Variants in ANK3 observed in about 807,000 individuals in gnomAD.
ANK3 encodes the protein ankyrin-3.
A neutral mutation model predicts 370.9 loss-of-function variants in ANK3; 57 were observed. The ratio of observed to expected loss-of-function variants is 0.15; its 90% confidence interval spans 0.12 to 0.19. ANK3 has a LOEUF of 0.19. Among genes scored for constraint, ANK3 ranks in the 10% least tolerant of loss-of-function variants. The probability of loss-of-function intolerance (pLI) is 1.00; values close to 1 mark genes in which losing one functional copy is unlikely to be tolerated. For missense variants in ANK3, 4,439 were observed against 5,302.1 expected, an observed-to-expected ratio of 0.84 and a Z score of 5.06; for synonymous variants, 1,929 against 1,946.3, an observed-to-expected ratio of 0.99 and a Z score of 0.23.
Position 60,186,864 on chromosome 10 carries a change from T to A in ANK3, c.1936A>T (p.Ile646Leu). The A allele has an allele frequency of 6.2e-7, 1 of 1,614,222 alleles. No homozygotes were observed. The highest frequency in any genetic ancestry group is 8.5e-7 in the Non-Finnish European group (1 of 1,180,030). The change falls in exon 17 of 44, where the codon ATA (isoleucine) becomes TTA (leucine). Residue 646 changes from isoleucine (I) to leucine (L), a missense_variant. This residue lies in a region of ANK3 where 192 missense variants were observed against 192.1 expected (regional missense o/e 1.00). Coordinates refer to ENST00000280772, the MANE Select transcript of ANK3 (RefSeq NM_020987.5). ...HIAAKKNQMD[I>L]ATTLLEYGAD... Reference sequence around the variant, plus strand: ...CCATATTCCAGCAGAGTTGTCGCTATGTCCATCTGGTTCTTTTTGGCAGCG... The same window carrying A: ...CCATATTCCAGCAGAGTTGTCGCTAAGTCCATCTGGTTCTTTTTGGCAGCG...
At chr10:60,345,734 A>G (rs532756706) in intron 1 of ANK3, among the ~76,000 whole-genome samples, 4 of 152,168 alleles carry the variant, frequency 2.6e-5, no homozygotes, top group Non-Finnish European at 5.9e-5. Flanking sequence ...CTTGGAGAAT[A>G]TATTCATTAA....
intron 1 of ANK3, among the ~76,000 whole-genome samples, chr10:60,724,187 G>A (rs1253350061): frequency 7.9e-6 from 1 of 126,146 alleles, no homozygotes; most frequent in Non-Finnish European, 1.6e-5. Flanking sequence ...TCCAGCCTGG[G>A]CGACAGAGCA....
chr10:60,381,582 A>C (rs1297024776), intron 1 of ANK3, among the ~76,000 whole-genome samples: 1 of 152,148 alleles, frequency 6.6e-6, no homozygotes, highest in Non-Finnish European at 1.5e-5. Context: ...AAGGTGCAAA[A>C]GTTGTTAAAA....
rs561430129 is a variant in ANK3 at position 60,208,673 on chromosome 10, T to C, written c.997-440A>G. ...AATTTGGCCAGATAGGAATTCTTAA[T>C]ATTTAAGACTAAAAGAAAAAATGAA... On this transcript the variant is annotated intron_variant, in intron 9 of 43. Transcript: ENST00000280772. 1.4e-4 allele frequency among the ~76,000 whole-genome samples: 21 copies of C among 152,290 alleles called. No homozygotes were observed. The East Asian group carries it at 4.1e-3, about 29-fold the overall frequency.
At chr10:60,506,738 A>C (rs1163742036) in intron 2 of ANK3, among the ~76,000 whole-genome samples, 2 of 152,096 alleles carry the variant, frequency 1.3e-5, no homozygotes, top group East Asian at 3.8e-4. Context: ...ACTATAAAGA[A>C]AATTTACAAG....
chr10:60,477,973 T>A (rs1318723679), intron 2 of ANK3, among the ~76,000 whole-genome samples: 1 of 152,088 alleles, frequency 6.6e-6, no homozygotes, highest in Non-Finnish European at 1.5e-5. Context: ...AAACTTAAAA[T>A]ATATAATTGA....
Position 60,068,747 on chromosome 10 carries a change from C to A in ANK3, c.12134G>T (p.Gly4045Val). Residue 4045 changes from glycine to valine, a missense_variant, in exon 37 of 44, where the codon GGC becomes GTC. Transcript: ENST00000280772. ...AGACTTCGTTGTAACCGAAGGCTGGCCACCCCGGGAAGTCTCGGACAACGA... is the reference window on the plus strand; with the variant it reads ...AGACTTCGTTGTAACCGAAGGCTGGACACCCCGGGAAGTCTCGGACAACGA... Reference protein sequence around the residue: ...NTSLSETSRGGQPSVTTKSAR... With the variant: ...NTSLSETSRGVQPSVTTKSAR... 1 of 1,614,152 alleles carries A rather than the reference C, an allele frequency of 6.2e-7. No individual in the cohort carries two copies.
Position 60,068,910 on chromosome 10 carries a change from C to A in ANK3, c.11971G>T (p.Glu3991Ter). Residue 3991 changes from glutamate (E) to a stop codon, truncating the protein, a stop_gained, in exon 37 of 44, where the codon GAA (glutamate) becomes TAA (stop). Transcript: ENST00000280772. LOFTEE classifies it high-confidence loss of function. ...TATTCAATGGAATGTTTACATACTT[C>A]CTTGAGCTGACTTTTCCTAACTTTA... The part of the protein sequence containing the change: ...TVKVRKSQLK[E>*]VCKHSIEYFK... The A allele has an allele frequency of 6.2e-7, 1 of 1,614,102 alleles. No individual in the cohort carries two copies. Among genetic ancestry groups the A allele is most frequent in the Non-Finnish European group, 8.5e-7 (1 of 1,180,014 alleles).
chr10:60,103,210 A>G (rs1045611674), intron 28 of ANK3, among the ~76,000 whole-genome samples: 7 of 152,170 alleles, frequency 4.6e-5, no homozygotes, highest in African/African-American at 1.7e-4. Context: ...TCGGCCTCCC[A>G]AAGTGCTGGG....
intron 1 of ANK3, among the ~76,000 whole-genome samples, chr10:60,652,915 T>C (rs1412411955): frequency 6.6e-6 from 1 of 152,112 alleles, no homozygotes; most frequent in East Asian, 1.9e-4. Context: ...CCTTTACACA[T>C]TTGCAGTTCC....
chr10:60,679,029 G>T lies in ANK3; in HGVS notation c.57+54234C>A, dbSNP rs199961077. ...AAGAAAGATGCTTGGTAAAGAGAGT[G>T]CTCAGGGTGGAGACAGCACTGTGTC... On this transcript the variant is annotated intron_variant, in intron 1 of 43. Transcript: ENST00000373827. 2.0e-5 allele frequency among the ~76,000 whole-genome samples: 3 copies of T among 152,316 alleles called. No individual in the cohort carries two copies. In the East Asian group the frequency reaches 5.8e-4, roughly 29 times the overall value.
At chr10:60,482,359 C>T (rs1287885410) in intron 2 of ANK3, among the ~76,000 whole-genome samples, 1 of 152,204 alleles carries the variant, frequency 6.6e-6, no homozygotes, top group Non-Finnish European at 1.5e-5. Context: ...CCCAGATCTC[C>T]TAATTCCCAA....
chr10:60,193,297 T>G (rs2096527518), intron 16 of ANK3, among the ~76,000 whole-genome samples: 1 of 152,256 alleles, frequency 6.6e-6, no homozygotes, highest in Non-Finnish European at 1.5e-5. Flanking sequence ...CTATGAATAC[T>G]AAGTCTTGTT....
At chr10:60,241,318 C>T (rs992713396) in intron 7 of ANK3, among the ~76,000 whole-genome samples, 1 of 151,990 alleles carries the variant, frequency 6.6e-6, no homozygotes, top group Non-Finnish European at 1.5e-5. Flanking sequence ...TTAGTTCAAA[C>T]AAAAAAGTAA....
intron 21 of ANK3, among the ~76,000 whole-genome samples, chr10:60,170,965 G>A (rs2095773747): frequency 6.6e-6 from 1 of 152,048 alleles, no homozygotes; most frequent in Non-Finnish European, 1.5e-5. Flanking sequence ...TATATTTACT[G>A]CAATGACTTC....
At chr10:60,471,519 C>T (rs944883520) in intron 2 of ANK3, among the ~76,000 whole-genome samples, 1 of 152,000 alleles carries the variant, frequency 6.6e-6, no homozygotes, top group African/African-American at 2.4e-5. Context: ...TTGTTGAATG[C>T]CTTATAGGAA....
At chr10:60,510,059 T>G (rs887900628) in intron 2 of ANK3, among the ~76,000 whole-genome samples, 4 of 152,120 alleles carry the variant, frequency 2.6e-5, no homozygotes, top group African/African-American at 9.7e-5. Context: ...TATAACATTT[T>G]GATTTTGACT....
At position 60,545,230 on chromosome 10, in the gene ANK3, C is replaced by T. The variant is rs183685624; in HGVS notation, c.96+69956G>A. Reference sequence around the variant, plus strand: ...GATGGAACCGAAGAAGAGATGGAAGCCAAATCATACAAGAAAGATACCAAA... The same window carrying T: ...GATGGAACCGAAGAAGAGATGGAAGTCAAATCATACAAGAAAGATACCAAA... On this transcript the variant is annotated intron_variant, in intron 2 of 43. Transcript: ENST00000373827. 7.7e-3 allele frequency among the ~76,000 whole-genome samples: 1,172 copies of T among 151,644 alleles called. 6 individuals are homozygous for T. Among genetic ancestry groups the T allele is most frequent in the South Asian group, 0.014 (67 of 4,800 alleles).
rs1028395245 is a variant in ANK3, at chr10:60,301,260, G to A, written c.115-21621C>T. ...TATATATACATATACACACACACAT[G>A]CACGCACACATATACACACGCACAC... On this transcript the variant is annotated intron_variant, in intron 1 of 43. Coordinates refer to ENST00000280772, the MANE Select transcript of ANK3 (RefSeq NM_020987.5). Among the ~76,000 whole-genome samples the A allele has an allele frequency of 4.3e-5, 6 of 140,566 alleles. No homozygotes were observed. In the East Asian group the frequency reaches 6.1e-4, roughly 14 times the overall value. The allele number at this position is 140,566 out of a possible 152,430, so 92.2% of individuals were successfully genotyped here.
Sources: gnomAD v4.1 joint callset for allele counts (sites outside exome capture counted in the v4.1 genomes callset) on GRCh38, gnomAD v4.1.1 for gene constraint, gnomAD v4.1.1 regional missense constraint, MANE v1.5 for transcripts, NCBI Gene and HGNC (gene_info 2026-07-23, HGNC 2026-07-21) for gene names.